RGS20: variants seen among roughly 807,000 people sequenced by gnomAD.
RGS20 encodes gz-selective GTPase-activating protein.
Under a neutral mutation model 33.6 loss-of-function variants are expected in RGS20, and 30 were observed. That is an observed-to-expected ratio of 0.89 (90% CI 0.67 to 1.21). The LOEUF is 1.21. RGS20 is among the 50% of genes most tolerant of loss of function. The pLI is 0.00. For synonymous variants in RGS20, 208 were observed against 197.9 expected, an observed-to-expected ratio of 1.05 and a Z score of -0.43; for missense variants, 472 against 502.4, an observed-to-expected ratio of 0.94 and a Z score of 0.58.
intron 1 of RGS20, among the ~76,000 whole-genome samples, chr8:53,853,101 T>C (rs973445476): frequency 1.8e-4 from 27 of 152,186 alleles, no homozygotes; most frequent in African/African-American, 6.5e-4. Context: ...TGGGATGTAG[T>C]GTCCAAGAGT....
intron 1 of RGS20, among the ~76,000 whole-genome samples, chr8:53,858,452 G>A (rs1811731621): frequency 2.0e-5 from 3 of 151,628 alleles, no homozygotes; most frequent in African/African-American, 4.9e-5. Flanking sequence ...AAAAAATAAA[G>A]CATTCTTTAT....
At chr8:53,899,128 T>C (rs928728303) in intron 2 of RGS20, among the ~76,000 whole-genome samples, 1 of 152,228 alleles carries the variant, frequency 6.6e-6, no homozygotes, top group South Asian at 2.1e-4. Context: ...GATGCTCCTG[T>C]GTCTGTCCTC....
At chr8:53,878,120 T>G (rs1457588944) in intron 1 of RGS20, among the ~76,000 whole-genome samples, 3 of 152,222 alleles carry the variant, frequency 2.0e-5, no homozygotes, top group Admixed American at 2.0e-4. Flanking sequence ...CACCTTCATT[T>G]TTTTTGGCAA....
chr8:53,955,115 T>A (rs1356281676), intron 5 of RGS20, among the ~76,000 whole-genome samples: 1 of 151,296 alleles, frequency 6.6e-6, no homozygotes, highest in Non-Finnish European at 1.5e-5. Flanking sequence ...TGCAGCTGTT[T>A]TCTACATTTT....
intron 5 of RGS20, among the ~76,000 whole-genome samples, chr8:53,955,695 G>A (rs964107820): frequency 2.6e-5 from 4 of 152,126 alleles, no homozygotes; most frequent in African/African-American, 7.2e-5. Flanking sequence ...GCCAGGTGTG[G>A]TAGCATTCAT....
intron 2 of RGS20, among the ~76,000 whole-genome samples, chr8:53,907,947 C>G (rs950941186): frequency 3.3e-5 from 5 of 151,916 alleles, no homozygotes. Flanking sequence ...ACTCACAATG[C>G]CAGCCCAGAA....
intron 2 of RGS20, chr8:53,879,804 A>T (rs1170049226): frequency 8.4e-6 from 4 of 474,700 alleles, no homozygotes; most frequent in Non-Finnish European, 1.1e-5. Context: ...TCCCCGCGGG[A>T]AGACACTCCA....
rs921453513 is a variant in RGS20 at position 53,958,781 on chromosome 8, G to C, written c.*323G>C. 6.4e-6 allele frequency: 1 copy of C among 157,158 alleles called. No homozygotes were observed. The highest frequency in any genetic ancestry group is 2.4e-5 in the African/African-American group (1 of 41,634). 9.7% of individuals were successfully genotyped at this position (157,158 alleles called of 1,614,324 possible). A position where few individuals can be genotyped will look rare whatever the true frequency, so the allele number is the denominator to read the frequency against. On this transcript the variant is annotated 3_prime_UTR_variant, in exon 6 of 6. Transcript: ENST00000297313. ...CTGCCCGGAGCAGGTACATCCACCAGAGCAAAGGGAACCACTTTTATTTTG... is the reference window on the plus strand; with the variant it reads ...CTGCCCGGAGCAGGTACATCCACCACAGCAAAGGGAACCACTTTTATTTTG...
chr8:53,950,824 A>G (rs1814691805), intron 4 of RGS20, among the ~76,000 whole-genome samples: 1 of 152,124 alleles, frequency 6.6e-6, no homozygotes, highest in South Asian at 2.1e-4. Flanking sequence ...CATGTTGCCC[A>G]GGTTGGTCTC....
At chr8:53,948,091 TGTA>T (rs889333218) in intron 4 of RGS20, among the ~76,000 whole-genome samples, 12 of 135,332 alleles carry the variant, frequency 8.9e-5, no homozygotes, top group African/African-American at 2.1e-4. Context: ...ATATATAAGA[TGTA>T]GTATATATAT....
chr8:53,894,841 G>A (rs1194463153), intron 2 of RGS20, among the ~76,000 whole-genome samples: 5 of 152,176 alleles, frequency 3.3e-5, no homozygotes, highest in African/African-American at 4.8e-5. Flanking sequence ...AAACATAGGG[G>A]AAAATTGTGC....
chr8:53,894,082 T>C (rs761865519), intron 2 of RGS20, among the ~76,000 whole-genome samples: 5 of 152,234 alleles, frequency 3.3e-5, no homozygotes, highest in Non-Finnish European at 7.3e-5. Context: ...ATATAGCTTA[T>C]ATTTTCTTAA....
chr8:53,949,290 T>C (rs1478063308), intron 4 of RGS20, among the ~76,000 whole-genome samples: 1 of 148,044 alleles, frequency 6.8e-6, no homozygotes, highest in African/African-American at 2.5e-5. Context: ...TATATATTTA[T>C]ATATACTATA....
chr8:53,902,799 C>T (rs907819585), intron 2 of RGS20, among the ~76,000 whole-genome samples: 2 of 151,944 alleles, frequency 1.3e-5, no homozygotes, highest in African/African-American at 2.4e-5. Context: ...GATCTCGGCT[C>T]ACAGCAACCT....
At chr8:53,882,711 C>T (rs1466271194) in intron 2 of RGS20, among the ~76,000 whole-genome samples, 1 of 152,192 alleles carries the variant, frequency 6.6e-6, no homozygotes, top group Non-Finnish European at 1.5e-5. Flanking sequence ...CCCCAGTCAC[C>T]TGGCTGGGGT....
intron 2 of RGS20, among the ~76,000 whole-genome samples, chr8:53,903,884 C>T (rs562553593): frequency 6.6e-6 from 1 of 152,202 alleles, no homozygotes; most frequent in African/African-American, 2.4e-5. Context: ...GAGTGAGTGG[C>T]TGGGAGACCT....
chr8:53,900,359 C>A (rs1003134228), intron 2 of RGS20, among the ~76,000 whole-genome samples: 4 of 152,138 alleles, frequency 2.6e-5, no homozygotes, highest in African/African-American at 9.6e-5. Flanking sequence ...CCAGGCTGGT[C>A]TCAAACTCCT....
chr8:53,927,887 G>C (rs549795627), intron 2 of RGS20, among the ~76,000 whole-genome samples: 1 of 152,304 alleles, frequency 6.6e-6, no homozygotes, highest in African/African-American at 2.4e-5. Flanking sequence ...CATATACATT[G>C]ATGGCATATT....
Position 53,879,903 on chromosome 8 carries a change from T to A in RGS20, c.510+301T>A, listed in dbSNP as rs73680350. 7.1e-3 allele frequency: 2,480 copies of A among 349,030 alleles called. 20 individuals are homozygous for A. Among genetic ancestry groups the A allele is most frequent in the African/African-American group, 0.027 (1,254 of 47,280 alleles). The allele number at this position is 349,030 out of a possible 1,614,324, so 21.6% of individuals were successfully genotyped here. ...TTCCCCGAGGCTGCCTTTCAAACTC[T>A]CAGCGTGTCGCTCTCCTCCGCCTAC... On this transcript the variant is annotated intron_variant, in intron 2 of 5. Transcript: ENST00000297313.
Sources: allele counts gnomAD v4.1 joint callset (sites outside exome capture counted in the v4.1 genomes callset), GRCh38; gene constraint gnomAD v4.1.1; transcripts MANE v1.5; gene names NCBI Gene and HGNC (gene_info 2026-07-23, HGNC 2026-07-21).